Variants in NCKAP5 observed in about 807,000 individuals in gnomAD.
NCKAP5 encodes the protein nck-associated protein 5.
A neutral mutation model predicts 167.0 loss-of-function variants in NCKAP5; 92 were observed. The observed-to-expected ratio is 0.55, with a 90% CI of 0.47 to 0.66. The LOEUF (loss-of-function observed/expected upper bound fraction) is 0.66, where lower values mean the gene tolerates loss of function less well. Ranked by LOEUF, NCKAP5 falls within the 30% of genes least tolerant of loss-of-function variation. NCKAP5 has a pLI of 0.00. For synonymous variants in NCKAP5, 891 were observed against 877.4 expected, an observed-to-expected ratio of 1.02 and a Z score of -0.27; for missense variants, 2,378 against 2,315.0, an observed-to-expected ratio of 1.03 and a Z score of -0.56.
rs142841706 is a variant in NCKAP5 at position 133,317,245 on chromosome 2, C to T, written c.70-14135G>A. On this transcript the variant is annotated intron_variant, in intron 3 of 19. Coordinates refer to ENST00000409261, the MANE Select transcript of NCKAP5 (RefSeq NM_207363.3). ...AAAGCTGCAAAACCAGAACCCAAAA[C>T]ACATCCAGGATAAAATCACCATGAA... is the stretch of plus-strand genomic sequence containing the variant. Among the ~76,000 whole-genome samples the T allele has an allele frequency of 3.5e-3, 534 of 152,132 alleles. 18 individuals are homozygous for T. Among genetic ancestry groups the T allele is most frequent in the Admixed American group, 0.03 (456 of 15,290 alleles).
intron 6 of NCKAP5, among the ~76,000 whole-genome samples, chr2:133,028,516 T>C: frequency 6.6e-6 from 1 of 152,188 alleles, no homozygotes; most frequent in East Asian, 1.9e-4. Context: ...TCTTGCTGCA[T>C]TGCTATGAAT....
chr2:132,774,448 T>C (rs2104964723), intron 15 of NCKAP5, among the ~76,000 whole-genome samples: 1 of 152,226 alleles, frequency 6.6e-6, no homozygotes, highest in Middle Eastern at 3.4e-3. Flanking sequence ...GTATGATCAG[T>C]GAACCAGAGC....
intron 6 of NCKAP5, among the ~76,000 whole-genome samples, chr2:133,041,091 C>G (rs1029197321): frequency 3.3e-5 from 5 of 152,130 alleles, no homozygotes; most frequent in Admixed American, 6.6e-5. Flanking sequence ...GTTTTGCATA[C>G]TTCGGAAGTT....
chr2:133,483,805 T>C (rs1025081298), intron 3 of NCKAP5, among the ~76,000 whole-genome samples: 2 of 152,090 alleles, frequency 1.3e-5, no homozygotes, highest in Admixed American at 6.6e-5. Flanking sequence ...AAAATGAAGA[T>C]TGCATGGTCT....
intron 2 of NCKAP5, among the ~76,000 whole-genome samples, chr2:133,538,931 G>GTTTTTT (rs71412735): frequency 3.7e-5 from 4 of 108,586 alleles, no homozygotes; most frequent in Non-Finnish European, 5.3e-5. Context: ...GTTTTTTTGG[G>GTTTTTT]TTTTTTTTTT....
intron 17 of NCKAP5, among the ~76,000 whole-genome samples, chr2:132,730,201 A>T (rs1486283945): frequency 1.3e-5 from 2 of 152,190 alleles, no homozygotes; most frequent in Non-Finnish European, 2.9e-5. Flanking sequence ...TTTAATTAAG[A>T]TAGAACCCAA....
intron 7 of NCKAP5, among the ~76,000 whole-genome samples, chr2:132,970,710 G>A (rs1441900735): frequency 6.6e-6 from 1 of 152,118 alleles, no homozygotes; most frequent in Admixed American, 6.5e-5. Context: ...ATTCACCTTT[G>A]GCAGAGCACT....
At chr2:133,438,466 A>G (rs529109448) in intron 3 of NCKAP5, among the ~76,000 whole-genome samples, 4 of 152,346 alleles carry the variant, frequency 2.6e-5, no homozygotes, top group African/African-American at 9.6e-5. Context: ...GAGAGGATAA[A>G]TAATCCCAGT....
At chr2:133,510,520 A>G (rs1415620046) in intron 3 of NCKAP5, among the ~76,000 whole-genome samples, 4 of 152,166 alleles carry the variant, frequency 2.6e-5, no homozygotes, top group Non-Finnish European at 5.9e-5. Flanking sequence ...TACATTCCTT[A>G]TAAGTCTCCC....
chr2:133,517,274 C>T lies in NCKAP5; in HGVS notation c.69+184G>A, dbSNP rs139031400. 1.6e-3 allele frequency among the ~76,000 whole-genome samples: 247 copies of T among 152,306 alleles called. 1 individual carries two copies. Among genetic ancestry groups the T allele is most frequent in the African/African-American group, 5.6e-3 (233 of 41,568 alleles). ...TTTGCCTATTAAGACACTATACAAA[C>T]ATTCCAATAATTTGCTGGCTTTTGA... On this transcript the variant is annotated intron_variant, in intron 3 of 19. Transcript: ENST00000409261.
At chr2:133,576,260 A>G in the NCKAP5 span, among the ~76,000 whole-genome samples, 1 of 152,310 alleles carries the variant, frequency 6.6e-6, no homozygotes, top group African/African-American at 2.4e-5. Context: ...CACTTGTTTA[A>G]TAAAGATTGT....
chr2:133,260,894 C>T (rs1251691629), intron 4 of NCKAP5, among the ~76,000 whole-genome samples: 1 of 152,078 alleles, frequency 6.6e-6, no homozygotes, highest in Admixed American at 6.5e-5. Flanking sequence ...CCATGCTTAA[C>T]ATTTGGCACA....
chr2:132,717,250 C>T (rs548284383), intron 19 of NCKAP5, among the ~76,000 whole-genome samples: 2 of 152,226 alleles, frequency 1.3e-5, no homozygotes, highest in South Asian at 4.1e-4. Context: ...ATAAAGCAAA[C>T]CTTTAAAATG....
intron 16 of NCKAP5, among the ~76,000 whole-genome samples, chr2:132,768,498 T>C (rs1358715782): frequency 4.6e-5 from 7 of 152,178 alleles, no homozygotes; most frequent in Admixed American, 4.6e-4. Context: ...TGTTAATACT[T>C]CTATTAAGCT....
At chr2:132,708,758 T>C (rs1403757265) in intron 19 of NCKAP5, among the ~76,000 whole-genome samples, 1 of 152,236 alleles carries the variant, frequency 6.6e-6, no homozygotes, top group Non-Finnish European at 1.5e-5. Flanking sequence ...CTTTCCCCTT[T>C]TTCTATTATA....
At chr2:132,789,962 T>A (rs754594448) in intron 13 of NCKAP5, 61 bp downstream of exon 13, 112 of 1,503,056 alleles carry the variant, frequency 7.5e-5, no homozygotes, top group Middle Eastern at 1.8e-4. Flanking sequence ...TTCATCTCCA[T>A]GACCAAATCC....
At chr2:133,214,340 G>T (rs1473052197) in intron 4 of NCKAP5, among the ~76,000 whole-genome samples, 1 of 152,092 alleles carries the variant, frequency 6.6e-6, no homozygotes, top group Non-Finnish European at 1.5e-5. Context: ...AGAAACTGAG[G>T]CCCAAAAAGG....
At chr2:132,907,373 T>C (rs1181444195) in intron 8 of NCKAP5, among the ~76,000 whole-genome samples, 2 of 152,198 alleles carry the variant, frequency 1.3e-5, no homozygotes, top group African/African-American at 4.8e-5. Flanking sequence ...ATCACGCGGG[T>C]AGCAAAGTCT....
At chr2:133,500,371 A>T (rs550065873) in intron 3 of NCKAP5, among the ~76,000 whole-genome samples, 2 of 152,192 alleles carry the variant, frequency 1.3e-5, no homozygotes, top group East Asian at 3.9e-4. Flanking sequence ...CTAACTTACA[A>T]CTCAAGCGTG....
Sources: gnomAD v4.1 joint callset for allele counts (sites outside exome capture counted in the v4.1 genomes callset) on GRCh38, gnomAD v4.1.1 for gene constraint, MANE v1.5 for transcripts, NCBI Gene and HGNC (gene_info 2026-07-23, HGNC 2026-07-21) for gene names.